Variants in ITPR2 observed in about 807,000 individuals in gnomAD.
ITPR2 encodes inositol 1,4,5-trisphosphate receptor type 2.
A neutral mutation model predicts 317.1 loss-of-function variants in ITPR2; 207 were observed. The observed-to-expected ratio is 0.65, with a 90% CI of 0.58 to 0.73. ITPR2 has a LOEUF of 0.73. Ranked by LOEUF, ITPR2 falls within the 30% of genes least tolerant of loss-of-function variation. The pLI, the probability that ITPR2 is intolerant of heterozygous loss-of-function variation, is 0.00. For synonymous variants in ITPR2, 1,156 were observed against 1,149.1 expected (o/e 1.01, Z -0.12); for missense variants, 2,613 against 3,284.0 (o/e 0.80, Z 4.99).
intron 6 of ITPR2, 55 bp from the exon 7 acceptor site, chr12:26,715,890 G>T: frequency 8.2e-7 from 1 of 1,215,020 alleles, no homozygotes; most frequent in Non-Finnish European, 1.2e-6. Flanking sequence ...TTCTCTACCA[G>T]AAATTATTAG....
At chr12:26,827,736 G>A (rs1413746148) in intron 1 of ITPR2, among the ~76,000 whole-genome samples, 2 of 152,120 alleles carry the variant, frequency 1.3e-5, no homozygotes, top group African/African-American at 2.4e-5. Flanking sequence ...ACCTTGCTAA[G>A]CTGACTTTGA....
chr12:26,707,777 G>A (rs112926221), intron 9 of ITPR2, among the ~76,000 whole-genome samples: 10 of 151,920 alleles, frequency 6.6e-5, no homozygotes, highest in Admixed American at 3.9e-4. Flanking sequence ...TGATCCACCC[G>A]CCTCAGCCTC....
At chr12:26,647,005 T>C (rs1347210155) in intron 21 of ITPR2, among the ~76,000 whole-genome samples, 2 of 152,214 alleles carry the variant, frequency 1.3e-5, no homozygotes, top group African/African-American at 4.8e-5. Flanking sequence ...TATGATCTAC[T>C]GCCTTTTCAA....
At chr12:26,643,787 C>A (rs143593122) in intron 21 of ITPR2, among the ~76,000 whole-genome samples, 1 of 152,152 alleles carries the variant, frequency 6.6e-6, no homozygotes, top group South Asian at 2.1e-4. Context: ...GTTGACAGAA[C>A]GTCTGGTTCC....
At chr12:26,480,352 T>C (rs904780725) in intron 43 of ITPR2, among the ~76,000 whole-genome samples, 1 of 152,162 alleles carries the variant, frequency 6.6e-6, no homozygotes, top group African/African-American at 2.4e-5. Flanking sequence ...TGGATATCAC[T>C]GAAAGTATTT....
intron 37 of ITPR2, among the ~76,000 whole-genome samples, chr12:26,516,250 A>G (rs1476428204): frequency 2.3e-4 from 8 of 34,660 alleles, no homozygotes; most frequent in Non-Finnish European, 4.2e-4. Context: ...AGGAAAGGAA[A>G]GGAAAGGAAA....
chr12:26,439,816 C>G (rs1333864078), intron 46 of ITPR2, among the ~76,000 whole-genome samples: 1 of 152,140 alleles, frequency 6.6e-6, no homozygotes, highest in Non-Finnish European at 1.5e-5. Context: ...AAAATGTTCT[C>G]TTATTCATGG....
intron 55 of ITPR2, among the ~76,000 whole-genome samples, chr12:26,383,005 T>G (rs925879592): frequency 6.6e-5 from 10 of 152,130 alleles, no homozygotes; most frequent in Non-Finnish European, 1.3e-4. Flanking sequence ...GTGTTGGAGG[T>G]GGGGCTTAGT....
At chr12:26,359,809 G>A (rs918328267) in intron 55 of ITPR2, among the ~76,000 whole-genome samples, 16 of 152,026 alleles carry the variant, frequency 1.1e-4, no homozygotes, top group Non-Finnish European at 7.4e-5. Flanking sequence ...GGCGTCACCC[G>A]GATGTGAGTT....
At chr12:26,440,441 CATCACTGA>C (rs1482851468) in intron 46 of ITPR2, among the ~76,000 whole-genome samples, 1 of 152,196 alleles carries the variant, frequency 6.6e-6, no homozygotes, top group African/African-American at 2.4e-5. Flanking sequence ...TATTTTAAGA[CATCACTGA>C]ATCACTGAAT....
In ITPR2 at chr12:26,492,895, ATG is replaced by A. The variant is rs36164391; in HGVS notation, c.5370+1256_5370+1257del. ...TATCCTGATTTGATCATTGCACGATATGTGTGTGTGTATGTGTGTGTGTGTAT... is the reference window on the plus strand; with the variant it reads ...TATCCTGATTTGATCATTGCACGATATGTGTGTGTATGTGTGTGTGTGTAT... On this transcript the variant is annotated intron_variant, in intron 39 of 56. Transcript: ENST00000381340. Among the ~76,000 whole-genome samples the A allele has an allele frequency of 2.1e-5, 3 of 140,662 alleles. No homozygotes were observed. In the Admixed American group the frequency reaches 2.2e-4, roughly 10 times the overall value. 92.3% of individuals were successfully genotyped at this position (140,662 alleles called of 152,430 possible).
chr12:26,659,437 G>C, intron 15 of ITPR2, 152 bp from the exon 16 acceptor site: 1 of 645,984 alleles, frequency 1.5e-6, no homozygotes, highest in Non-Finnish European at 2.6e-6. Flanking sequence ...TCAATAAATA[G>C]AGCTTTTTGA....
intron 26 of ITPR2, among the ~76,000 whole-genome samples, chr12:26,609,601 C>G (rs956268013): frequency 6.6e-6 from 1 of 150,406 alleles, no homozygotes; most frequent in South Asian, 2.1e-4. Flanking sequence ...AAGACCCTGT[C>G]TACAACAAAA....
intron 2 of ITPR2, among the ~76,000 whole-genome samples, chr12:26,781,354 C>T (rs1325495061): frequency 6.7e-6 from 1 of 150,320 alleles, no homozygotes; most frequent in Admixed American, 6.7e-5. Flanking sequence ...CATATTTTAG[C>T]ATGTACATAT....
At position 26,655,860 on chromosome 12, in the gene ITPR2, T is replaced by G; in HGVS notation, c.2445-8A>C. On this transcript the variant is annotated splice_polypyrimidine_tract_variant and splice_region_variant and intron_variant, in intron 19 of 56. Coordinates refer to ENST00000381340, the MANE Select transcript of ITPR2 (RefSeq NM_002223.4). ...TCTGTTATAGAATCATATCTGGAAA[T>G]AGAGAAAGAAGATAACGCAAGTTAA... The G allele has an allele frequency of 6.2e-7, 1 of 1,602,750 alleles. No individual in the cohort carries two copies. Among genetic ancestry groups the G allele is most frequent in the Non-Finnish European group, 8.5e-7 (1 of 1,175,650 alleles).
chr12:26,646,037 A>G (rs1947105963), intron 21 of ITPR2, among the ~76,000 whole-genome samples: 1 of 134,264 alleles, frequency 7.4e-6, no homozygotes, highest in African/African-American at 2.9e-5. Flanking sequence ...TTCTGGTTTC[A>G]GGACATTCAA....
intron 55 of ITPR2, among the ~76,000 whole-genome samples, chr12:26,342,497 TGGG>T (rs57105007): frequency 2.6e-4 from 1 of 3,788 alleles, no homozygotes; most frequent in African/African-American, 7.2e-4. Flanking sequence ...GTCACGGCGG[TGGG>T]GGGGGGGGGG....
At chr12:26,352,157 C>T (rs1225353384) in intron 55 of ITPR2, among the ~76,000 whole-genome samples, 2 of 152,182 alleles carry the variant, frequency 1.3e-5, no homozygotes, top group Non-Finnish European at 2.9e-5. Flanking sequence ...GTCTGCCCTC[C>T]CTGTGGCAGC....
intron 34 of ITPR2, among the ~76,000 whole-genome samples, chr12:26,563,054 T>C (rs1255501173): frequency 1.3e-5 from 2 of 151,864 alleles, no homozygotes; most frequent in Non-Finnish European, 2.9e-5. Context: ...AAAAAAATAA[T>C]AACAGCTGAA....
Sources: gnomAD v4.1 joint callset for allele counts (sites outside exome capture counted in the v4.1 genomes callset) on GRCh38, gnomAD v4.1.1 for gene constraint, MANE v1.5 for transcripts, NCBI Gene and HGNC (gene_info 2026-07-23, HGNC 2026-07-21) for gene names.